The following KRABD3 variants were observed in gnomAD, a reference collection of about 807,000 sequenced individuals.
KRABD3 encodes the protein KRAB domain-containing protein 3.
At chr7:149,719,280 C>T in the KRABD3 span, 4 of 345,526 alleles carry the variant, frequency 1.2e-5, no homozygotes, top group African/African-American at 2.2e-5. This position sits in a 1 kb window ranked among gnomAD's most constrained non-coding sequence, Gnocchi z 5.6. Context: ...AGGAGTATGA[C>T]CTCATCTTAA....
At chr7:149,733,841 C>G in the KRABD3 span, 10 of 1,601,910 alleles carry the variant, frequency 6.2e-6, no homozygotes, top group Non-Finnish European at 8.5e-6. Context: ...CCCCCTTCCC[C>G]CTTTAGTGCC....
chr7:149,733,775 T>G, the KRABD3 span: 4 of 1,597,604 alleles, frequency 2.5e-6, no homozygotes, highest in Non-Finnish European at 3.4e-6. Context: ...TACACCCAGC[T>G]GCCATGCTGC....
chr7:149,719,475 C>T, the KRABD3 span: 1 of 1,484,226 alleles, frequency 6.7e-7, no homozygotes, highest in Non-Finnish European at 8.9e-7. This position sits in a 1 kb window ranked among gnomAD's most constrained non-coding sequence, Gnocchi z 5.6. Flanking sequence ...GTGGGGTTAC[C>T]AAGTGCAGGG....
At chr7:149,722,371 CAG>C in the KRABD3 span, 3 of 1,567,658 alleles carry the variant, frequency 1.9e-6, no homozygotes, top group Non-Finnish European at 2.6e-6. Context: ...TGTGATTTTC[CAG>C]AGTCTGGAGC....
chr7:149,722,446 C>G, the KRABD3 span: 1 of 1,607,838 alleles, frequency 6.2e-7, no homozygotes. Context: ...CCGTGGCCTA[C>G]AAGGAAGGAA....
chr7:149,725,999 C>T, the KRABD3 span: 1 of 1,612,564 alleles, frequency 6.2e-7, no homozygotes, highest in Non-Finnish European at 8.5e-7. Flanking sequence ...CATCCAGCAG[C>T]ACCGACTGGG....
chr7:149,715,739 C>G, the KRABD3 span, among the ~76,000 whole-genome samples: 1 of 152,274 alleles, frequency 6.6e-6, no homozygotes, highest in East Asian at 1.9e-4. Flanking sequence ...CTAGGCAGAG[C>G]AAACACTGTG....
At chr7:149,723,423 C>G in the KRABD3 span, 1 of 367,390 alleles carries the variant, frequency 2.7e-6, no homozygotes, top group African/African-American at 2.0e-5. Flanking sequence ...ACTCCATTTT[C>G]CTCAAATGTA....
chr7:149,715,339 C>T, the KRABD3 span: 6 of 1,204,994 alleles, frequency 5.0e-6, no homozygotes, highest in South Asian at 4.3e-5. Flanking sequence ...GGCATGAAGG[C>T]CTCGGAGGCA....
At chr7:149,715,186 A>G in the KRABD3 span, 1 of 1,223,336 alleles carries the variant, frequency 8.2e-7, no homozygotes, top group Non-Finnish European at 1.0e-6. Flanking sequence ...GGCAGGCCTG[A>G]TGCTCAGGGG....
chr7:149,720,092 A>G, the KRABD3 span: 1 of 1,551,474 alleles, frequency 6.4e-7, no homozygotes, highest in Non-Finnish European at 8.7e-7. Flanking sequence ...CACGCTGATG[A>G]GGGGCAGGAG....
At chr7:149,720,303 A>G in the KRABD3 span, among the ~76,000 whole-genome samples, 1 of 152,086 alleles carries the variant, frequency 6.6e-6, no homozygotes, top group Non-Finnish European at 1.5e-5. Flanking sequence ...GCAGAGAAGC[A>G]CTCAGAGAAA....
At chr7:149,724,021 G>C in the KRABD3 span, 1 of 938,366 alleles carries the variant, frequency 1.1e-6, no homozygotes, top group Non-Finnish European at 1.6e-6. Context: ...GGATCCGGAT[G>C]CGGGGGATCC....
chr7:149,725,256 C>T, the KRABD3 span: 1 of 1,478,208 alleles, frequency 6.8e-7, no homozygotes, highest in East Asian at 2.5e-5. Flanking sequence ...AGCCAGGGGT[C>T]TGATGGGCAA....
chr7:149,715,199 C>T, the KRABD3 span: 1 of 1,220,452 alleles, frequency 8.2e-7, no homozygotes, highest in Non-Finnish European at 1.0e-6. Context: ...CTCAGGGGTT[C>T]GTGCCGGGAA....
the KRABD3 span, among the ~76,000 whole-genome samples, chr7:149,732,610 C>CT: frequency 9.8e-3 from 1,491 of 151,376 alleles, 33 homozygotes; most frequent in African/African-American, 0.034. This position sits in a 1 kb window ranked among gnomAD's most constrained non-coding sequence, Gnocchi z 4.0. Flanking sequence ...ATTAGGTGAT[C>CT]TTTTTTTAAA....
chr7:149,733,771 C>T, the KRABD3 span: 2 of 1,596,330 alleles, frequency 1.3e-6, no homozygotes, highest in South Asian at 2.3e-5. Context: ...CCTCTACACC[C>T]AGCTGCCATG....
chr7:149,719,158 C>G, the KRABD3 span, among the ~76,000 whole-genome samples: 1 of 152,228 alleles, frequency 6.6e-6, no homozygotes, highest in Non-Finnish European at 1.5e-5. This position sits in a 1 kb window ranked among gnomAD's most constrained non-coding sequence, Gnocchi z 5.6. Flanking sequence ...TGGCTTGTGG[C>G]TGCATGACTG....
chr7:149,725,216 A>G, the KRABD3 span: 1 of 1,228,562 alleles, frequency 8.1e-7, no homozygotes, highest in Non-Finnish European at 1.1e-6. Context: ...AGGACTCGTC[A>G]CCCCTGTAGA....
Sources: gnomAD v4.1 joint callset for allele counts (sites outside exome capture counted in the v4.1 genomes callset) on GRCh38, gnomAD v4.1.1 for gene constraint, Gnocchi (gnomAD v3.1) non-coding constraint, MANE v1.5 for transcripts, NCBI Gene and HGNC (gene_info 2026-07-23, HGNC 2026-07-21) for gene names.